CREB5: variants seen among roughly 807,000 people sequenced by gnomAD.
CREB5 encodes the protein cyclic AMP-responsive element-binding protein 5.
A neutral mutation model predicts 57.1 loss-of-function variants in CREB5; 19 were observed. That is an observed-to-expected ratio of 0.33 (90% confidence interval 0.23 to 0.49). CREB5 has a LOEUF of 0.49. Ranked by LOEUF, CREB5 falls within the 20% of genes least tolerant of loss-of-function variation. CREB5 has a pLI of 0.99. For missense variants in CREB5, 579 were observed against 671.6 expected, an observed-to-expected ratio of 0.86 and a Z score of 1.52; for synonymous variants, 238 against 238.3, an observed-to-expected ratio of 1.00 and a Z score of 0.01.
chr7:28,726,563 A>G (rs1803349206), intron 7 of CREB5: 1 of 152,112 alleles, frequency 6.6e-6, no homozygotes, highest in African/African-American at 2.4e-5. Context: ...TGTCAGCCAG[A>G]GCCTCCCCAG....
chr7:28,624,393 G>A (rs1374982593), intron 5 of CREB5, among the ~76,000 whole-genome samples: 1 of 152,144 alleles, frequency 6.6e-6, no homozygotes, highest in Non-Finnish European at 1.5e-5. Context: ...CTTTGGTTTG[G>A]CTAAGACCTA....
chr7:28,389,395 C>A (rs1365453460), intron 1 of CREB5, among the ~76,000 whole-genome samples: 1 of 152,172 alleles, frequency 6.6e-6, no homozygotes, highest in Admixed American at 6.5e-5. Context: ...TGCACAAACA[C>A]ACACACACGC....
chr7:28,593,954 A>G (rs982976921), intron 5 of CREB5, among the ~76,000 whole-genome samples: 23 of 152,338 alleles, frequency 1.5e-4, no homozygotes, highest in African/African-American at 5.5e-4. Context: ...GAGCCAAGTA[A>G]CCACTGGTGG....
intron 5 of CREB5, among the ~76,000 whole-genome samples, chr7:28,658,961 A>ATATATATATATG (rs1799459339): frequency 7.3e-6 from 1 of 136,822 alleles, no homozygotes; most frequent in Non-Finnish European, 1.6e-5. Context: ...GTGTATATAT[A>ATATATATATATG]TATATATATA....
At chr7:28,320,479 CT>C (rs1366642718) in intron 1 of CREB5, among the ~76,000 whole-genome samples, 1 of 152,214 alleles carries the variant, frequency 6.6e-6, no homozygotes. Flanking sequence ...TCAAGCTCCG[CT>C]TTACCAGGCT....
chr7:28,681,521 C>T (rs73684276), intron 5 of CREB5, among the ~76,000 whole-genome samples: 23,626 of 152,006 alleles, frequency 0.16, 1,911 homozygotes, highest in South Asian at 0.19. Context: ...TATGCCACCA[C>T]GCCCAGTCCC....
chr7:28,603,117 C>A (rs901316172), intron 5 of CREB5, among the ~76,000 whole-genome samples: 8 of 152,112 alleles, frequency 5.3e-5, no homozygotes, highest in Admixed American at 1.3e-4. Flanking sequence ...CCTACCATGA[C>A]AAAATAAGGT....
intron 5 of CREB5, among the ~76,000 whole-genome samples, chr7:28,682,205 C>A (rs1378138396): frequency 6.6e-6 from 1 of 152,196 alleles, no homozygotes; most frequent in Non-Finnish European, 1.5e-5. Context: ...TGTCTTCTCT[C>A]TGGGAGCACC....
At chr7:28,758,134 G>T (rs1805446211) in intron 7 of CREB5, among the ~76,000 whole-genome samples, 1 of 152,180 alleles carries the variant, frequency 6.6e-6, no homozygotes, top group African/African-American at 2.4e-5. Context: ...CATTGTCTCT[G>T]TTGGCCTGGT....
intron 5 of CREB5, among the ~76,000 whole-genome samples, chr7:28,573,016 C>A (rs1182116250): frequency 6.6e-6 from 1 of 152,148 alleles, no homozygotes; most frequent in Admixed American, 6.5e-5. Context: ...TTGATTCAAA[C>A]CCACACATCT....
At chr7:28,389,424 T>C (rs1485606541) in intron 1 of CREB5, among the ~76,000 whole-genome samples, 1 of 152,112 alleles carries the variant, frequency 6.6e-6, no homozygotes, top group East Asian at 1.9e-4. Flanking sequence ...CCAGGGCTAC[T>C]GGCTGTGGTT....
At chr7:28,461,017 G>A (rs920474486) in intron 1 of CREB5, among the ~76,000 whole-genome samples, 5 of 151,322 alleles carry the variant, frequency 3.3e-5, no homozygotes, top group African/African-American at 1.2e-4. Flanking sequence ...AGTGAGACTC[G>A]CATCCCCTCT....
intron 1 of CREB5, among the ~76,000 whole-genome samples, chr7:28,332,365 G>A (rs1367067978): frequency 6.6e-6 from 1 of 152,198 alleles, no homozygotes; most frequent in Non-Finnish European, 1.5e-5. Context: ...CAAATATACT[G>A]TCTTTCTCCT....
At chr7:28,798,617 C>T (rs1016954712) in intron 7 of CREB5, among the ~76,000 whole-genome samples, 9 of 152,102 alleles carry the variant, frequency 5.9e-5, no homozygotes, top group African/African-American at 9.7e-5. Context: ...CCTCCCGTCG[C>T]GGATAGTGGA....
chr7:28,424,359 G>A (rs531342732), intron 1 of CREB5, among the ~76,000 whole-genome samples: 78 of 152,296 alleles, frequency 5.1e-4, no homozygotes, highest in South Asian at 6.2e-4. Flanking sequence ...GGGACTCTAG[G>A]AGAACAAGCA....
chr7:28,501,048 G>A (rs1792254892), intron 3 of CREB5, among the ~76,000 whole-genome samples: 1 of 151,934 alleles, frequency 6.6e-6, no homozygotes, highest in Non-Finnish European at 1.5e-5. Flanking sequence ...ACATACATTA[G>A]GTCATTTAAT....
intron 3 of CREB5, among the ~76,000 whole-genome samples, chr7:28,497,074 A>G (rs750826508): frequency 2.6e-5 from 4 of 152,146 alleles, no homozygotes; most frequent in African/African-American, 9.7e-5. Context: ...ATTTTTCCCA[A>G]ATTGGATCCC....
intron 4 of CREB5, among the ~76,000 whole-genome samples, chr7:28,535,904 T>A (rs1268466441): frequency 6.6e-6 from 1 of 152,096 alleles, no homozygotes; most frequent in Non-Finnish European, 1.5e-5. Flanking sequence ...GTTCTTCAGG[T>A]TTCCAATCTA....
intron 5 of CREB5, among the ~76,000 whole-genome samples, chr7:28,649,872 A>G (rs1432618612): frequency 6.6e-6 from 1 of 152,220 alleles, no homozygotes; most frequent in Non-Finnish European, 1.5e-5. Flanking sequence ...TACTTTCATG[A>G]AGTAATGAGC....
Sources: gnomAD v4.1 joint callset for allele counts (sites outside exome capture counted in the v4.1 genomes callset) on GRCh38, gnomAD v4.1.1 for gene constraint, MANE v1.5 for transcripts, NCBI Gene and HGNC (gene_info 2026-07-23, HGNC 2026-07-21) for gene names.